ARNT2: variants seen among roughly 807,000 people sequenced by gnomAD.
ARNT2 encodes the protein ARNT protein 2.
In ARNT2, 36 loss-of-function variants were observed where a neutral mutation model predicts 91.7. The ratio of observed to expected loss-of-function variants is 0.39; its 90% confidence interval spans 0.30 to 0.52. ARNT2 has a LOEUF of 0.52. ARNT2 is among the 20% of genes least tolerant of loss of function. ARNT2 has a pLI of 0.72. For missense variants in ARNT2, 775 were observed against 939.3 expected (o/e 0.83, Z 2.29); for synonymous variants, 365 against 347.1 (o/e 1.05, Z -0.57).
chr15:80,576,789 C>G, intron 14 of ARNT2, 77 bp from the exon 15 acceptor site: 3 of 1,511,512 alleles, frequency 2.0e-6, no homozygotes, highest in Non-Finnish European at 2.7e-6. Context: ...ACCCCTGCAC[C>G]TCTTCTTGGG....
In ARNT2 at chr15:80,559,419, C is replaced by T. The variant is rs150858874; in HGVS notation, c.1165-3669C>T. Among the ~76,000 whole-genome samples the T allele has an allele frequency of 1.7e-3, 265 of 152,290 alleles. 1 individual carries two copies. Among genetic ancestry groups the T allele is most frequent in the African/African-American group, 6.0e-3 (249 of 41,562 alleles). On this transcript the variant is annotated intron_variant, in intron 11 of 18. Coordinates refer to ENST00000303329, the MANE Select transcript of ARNT2 (RefSeq NM_014862.4). Reference sequence around the variant, plus strand: ...CCTGGAGCACACCGCACCTCGGCCCCGTGCTTGTGTTCTTTGGTCTCCGGC... The same window carrying T: ...CCTGGAGCACACCGCACCTCGGCCCTGTGCTTGTGTTCTTTGGTCTCCGGC...
chr15:80,502,026 A>G (rs903050924), intron 5 of ARNT2, among the ~76,000 whole-genome samples: 1 of 152,212 alleles, frequency 6.6e-6, no homozygotes, highest in South Asian at 2.1e-4. Flanking sequence ...GGCCTCTTAC[A>G]AAGCCAGCCA....
At chr15:80,522,779 A>ATC (rs56353918) in intron 8 of ARNT2, among the ~76,000 whole-genome samples, 1 of 146,344 alleles carries the variant, frequency 6.8e-6, no homozygotes, top group Non-Finnish European at 1.5e-5. Flanking sequence ...ATATATATAT[A>ATC]TCTGTTTGAT....
intron 8 of ARNT2, among the ~76,000 whole-genome samples, chr15:80,519,746 C>T (rs560011407): frequency 7.1e-5 from 10 of 140,368 alleles, no homozygotes; most frequent in South Asian, 6.9e-4. Context: ...AGTGCAGTGG[C>T]GCAATCTCTG....
intron 8 of ARNT2, among the ~76,000 whole-genome samples, chr15:80,530,735 T>TG (rs1433720047): frequency 6.6e-6 from 1 of 152,154 alleles, no homozygotes; most frequent in African/African-American, 2.4e-5. Context: ...CCTTGCAAAG[T>TG]GGGGGATCCA....
At chr15:80,429,448 C>T (rs1473183682) in intron 1 of ARNT2, among the ~76,000 whole-genome samples, 2 of 152,316 alleles carry the variant, frequency 1.3e-5, no homozygotes, top group East Asian at 3.9e-4. Flanking sequence ...CAAGGTGGGG[C>T]GCCTGGAGAG....
At chr15:80,470,113 A>G (rs1208539838) in intron 3 of ARNT2, 105 bp from the exon 4 acceptor site, 1 of 1,190,528 alleles carries the variant, frequency 8.4e-7, no homozygotes, top group Non-Finnish European at 1.2e-6. Context: ...GTTAGCCCCT[A>G]GTTCCTGGTC....
chr15:80,415,613 G>A (rs1045294451), intron 1 of ARNT2, among the ~76,000 whole-genome samples: 3 of 152,144 alleles, frequency 2.0e-5, no homozygotes, highest in African/African-American at 7.2e-5. Flanking sequence ...AGGCCATTTC[G>A]GAAGTCCACG....
chr15:80,505,620 G>A (rs1416684230), intron 5 of ARNT2, among the ~76,000 whole-genome samples: 3 of 152,194 alleles, frequency 2.0e-5, no homozygotes, highest in Non-Finnish European at 4.4e-5. Flanking sequence ...GAAGCACAGA[G>A]GTGTTAGGTA....
intron 1 of ARNT2, among the ~76,000 whole-genome samples, chr15:80,416,296 T>A (rs1567174191): frequency 6.6e-6 from 1 of 152,160 alleles, no homozygotes; most frequent in Non-Finnish European, 1.5e-5. Flanking sequence ...TATCAGTTTT[T>A]TTTTTCTCTG....
At chr15:80,502,365 T>C (rs905230225) in intron 5 of ARNT2, among the ~76,000 whole-genome samples, 30 of 152,056 alleles carry the variant, frequency 2.0e-4, no homozygotes, top group South Asian at 2.1e-4. Context: ...AGATGTTAGG[T>C]GGGCCTTCCA....
chr15:80,428,844 T>C (rs1024665815), intron 1 of ARNT2, among the ~76,000 whole-genome samples: 3 of 152,188 alleles, frequency 2.0e-5, no homozygotes, highest in African/African-American at 7.2e-5. Flanking sequence ...TAGACAAATA[T>C]AATTTTGCGA....
chr15:80,497,895 G>A (rs547231212), intron 5 of ARNT2, among the ~76,000 whole-genome samples: 1 of 152,198 alleles, frequency 6.6e-6, no homozygotes, highest in South Asian at 2.1e-4. Context: ...AAGGGGGAAG[G>A]GAAGGACTTT....
At chr15:80,554,992 T>G (rs1200845104) in intron 10 of ARNT2, 73 bp from the exon 11 acceptor site, 14 of 1,451,016 alleles carry the variant, frequency 9.6e-6, no homozygotes, top group Non-Finnish European at 1.2e-5. Flanking sequence ...AAATGAACAC[T>G]GTTGTATCAC....
At chr15:80,444,039 T>G (rs372607032) in intron 1 of ARNT2, among the ~76,000 whole-genome samples, 3 of 152,234 alleles carry the variant, frequency 2.0e-5, no homozygotes, top group Non-Finnish European at 2.9e-5. Flanking sequence ...ACCAGATGCC[T>G]GTCTTTTCCA....
intron 5 of ARNT2, among the ~76,000 whole-genome samples, chr15:80,490,234 CAG>C (rs997322882): frequency 2.6e-5 from 4 of 152,154 alleles, no homozygotes; most frequent in Admixed American, 1.3e-4. Context: ...GTAAGTTGCA[CAG>C]AGTCAGTCCC....
chr15:80,512,270 A>G (rs1165567415), intron 6 of ARNT2, among the ~76,000 whole-genome samples: 1 of 152,210 alleles, frequency 6.6e-6, no homozygotes, highest in African/African-American at 2.4e-5. Flanking sequence ...GAGAACTGGC[A>G]GAGACCATTT....
rs1309534659 is a variant in ARNT2 at position 80,597,447 on chromosome 15, T to G, written c.*3749T>G. The G allele has an allele frequency of 2.9e-6, 1 of 343,778 alleles. No homozygotes were observed. Among genetic ancestry groups the G allele is most frequent in the Non-Finnish European group, 5.8e-6 (1 of 172,974 alleles). 21.3% of individuals were successfully genotyped at this position (343,778 alleles called of 1,614,324 possible). The stretch of plus-strand genomic sequence containing the variant: ...TCATTCCCCACCAAACACCCCATAC[T>G]AAGGAGCCATGAGCCACCTGGACAT... On this transcript the variant is annotated 3_prime_UTR_variant, in exon 19 of 19. Coordinates refer to ENST00000303329, the MANE Select transcript of ARNT2 (RefSeq NM_014862.4).
chr15:80,472,899 G>A (rs2141396423), intron 4 of ARNT2, among the ~76,000 whole-genome samples: 1 of 152,296 alleles, frequency 6.6e-6, no homozygotes, highest in African/African-American at 2.4e-5. Context: ...GACCTACAGA[G>A]TCAAGGTTTG....
Sources: gnomAD v4.1 joint callset for allele counts (sites outside exome capture counted in the v4.1 genomes callset) on GRCh38, gnomAD v4.1.1 for gene constraint, MANE v1.5 for transcripts, NCBI Gene and HGNC (gene_info 2026-07-23, HGNC 2026-07-21) for gene names.